The following GRIA3 variants were observed in gnomAD, a reference collection of about 807,000 sequenced individuals.
The protein encoded by GRIA3 is glutamate receptor 3.
Under a neutral mutation model 63.0 loss-of-function variants are expected in GRIA3, and 3 were observed. The observed-to-expected ratio is 0.05, with a 90% CI of 0.02 to 0.12. GRIA3 has a LOEUF of 0.12. Among genes scored for constraint, GRIA3 ranks in the 10% least tolerant of loss-of-function variants. The pLI is 1.00. For synonymous variants in GRIA3, 274 were observed against 257.9 expected (o/e 1.06, Z -0.60); for missense variants, 347 against 700.9 (o/e 0.50, Z 5.70).
chrX:123,456,307 A>G (rs1167583189), intron 12 of GRIA3, among the ~76,000 whole-genome samples: 1 of 111,213 alleles, frequency 9.0e-6, no homozygotes, highest in African/African-American at 3.3e-5. Flanking sequence ...CCTGGCACCC[A>G]GAAAGCTTTA....
intron 2 of GRIA3, among the ~76,000 whole-genome samples, chrX:123,250,276 T>G (rs911259241): frequency 9.0e-6 from 1 of 111,226 alleles, no homozygotes; most frequent in Non-Finnish European, 1.9e-5. Context: ...AATAAATGAA[T>G]GCAATAAATA....
chrX:123,403,734 T>G (rs777244637), intron 9 of GRIA3, among the ~76,000 whole-genome samples: 1 of 111,541 alleles, frequency 9.0e-6, no homozygotes, highest in East Asian at 2.8e-4. Context: ...TTAGAACAGT[T>G]TTAGATTATC....
intron 3 of GRIA3, among the ~76,000 whole-genome samples, chrX:123,286,208 C>A (rs1206266982): frequency 6.3e-5 from 7 of 111,868 alleles, no homozygotes; most frequent in African/African-American, 2.3e-4. Context: ...TAAATAAGTT[C>A]TTTGAAACCA....
intron 2 of GRIA3, among the ~76,000 whole-genome samples, chrX:123,232,575 C>T (rs1257495867): frequency 2.7e-5 from 3 of 110,893 alleles, no homozygotes; most frequent in South Asian, 3.8e-4. Flanking sequence ...GAACTGTATA[C>T]GTAAAATTGT....
intron 5 of GRIA3, among the ~76,000 whole-genome samples, chrX:123,357,762 G>A (rs897308586): frequency 9.0e-6 from 1 of 111,230 alleles, no homozygotes; most frequent in African/African-American, 3.3e-5. Flanking sequence ...ACAAGAACAA[G>A]CAAAGTCTGT....
At chrX:123,466,629 C>T (rs1383035920) in intron 13 of GRIA3, among the ~76,000 whole-genome samples, 1 of 111,892 alleles carries the variant, frequency 8.9e-6, no homozygotes, top group African/African-American at 3.2e-5. Flanking sequence ...GAAATAGGGG[C>T]AAGCTCAGAA....
intron 3 of GRIA3, among the ~76,000 whole-genome samples, chrX:123,285,082 GT>G (rs1179389362): frequency 9.0e-6 from 1 of 111,649 alleles, no homozygotes. Flanking sequence ...CCAGAAGAGA[GT>G]GGGGGCCAAT....
chrX:123,398,213 C>G (rs2045424224), intron 6 of GRIA3, among the ~76,000 whole-genome samples: 1 of 111,779 alleles, frequency 8.9e-6, no homozygotes, highest in Non-Finnish European at 1.9e-5. Flanking sequence ...TAGCTATTTC[C>G]ATTTTCCCCT....
At chrX:123,486,663 T>C (rs1192838864) in intron 15 of GRIA3, among the ~76,000 whole-genome samples, 2 of 111,638 alleles carry the variant, frequency 1.8e-5, no homozygotes, top group African/African-American at 6.5e-5. Context: ...GTTGGTTAAG[T>C]GAAGAGTGAG....
chrX:123,316,230 A>C (rs1603088666), intron 3 of GRIA3, among the ~76,000 whole-genome samples: 1 of 111,696 alleles, frequency 9.0e-6, no homozygotes, highest in Admixed American at 9.5e-5. Flanking sequence ...AACATCACTA[A>C]AAAGTTGGAC....
intron 5 of GRIA3, among the ~76,000 whole-genome samples, chrX:123,385,856 C>T (rs2045351505): frequency 8.9e-6 from 1 of 112,021 alleles, no homozygotes; most frequent in Non-Finnish European, 1.9e-5. Flanking sequence ...AGGTTGATTC[C>T]ATATCTTTGT....
chrX:123,272,956 C>A (rs1208022366), intron 3 of GRIA3, among the ~76,000 whole-genome samples: 1 of 111,786 alleles, frequency 8.9e-6, no homozygotes, highest in Non-Finnish European at 1.9e-5. Context: ...TCCCCCTAAA[C>A]TTGGAGCTCT....
Position 123,396,827 on chromosome X carries a change from T to C in GRIA3, c.912+1698T>C, listed in dbSNP as rs1287950660. Among the ~76,000 whole-genome samples the C allele has an allele frequency of 5.3e-4, 59 of 112,377 alleles. No homozygotes were observed. In the Admixed American group the frequency reaches 5.4e-3, roughly 10 times the overall value. On this transcript the variant is annotated intron_variant, in intron 6 of 15. Coordinates refer to ENST00000620443, the MANE Select transcript of GRIA3 (RefSeq NM_007325.5). ...ATTGCATTACATTTAGGTGAGCTTATTCAAATTTAGATTTTTCATAAAACT... is the reference window on the plus strand; with the variant it reads ...ATTGCATTACATTTAGGTGAGCTTACTCAAATTTAGATTTTTCATAAAACT...
chrX:123,299,396 G>A (rs1344051458), intron 3 of GRIA3, among the ~76,000 whole-genome samples: 1 of 110,820 alleles, frequency 9.0e-6, no homozygotes, highest in African/African-American at 3.3e-5. Flanking sequence ...TGTCATCTCT[G>A]ATTTCTTTGA....
chrX:123,398,842 A>C (rs759827764), intron 7 of GRIA3, 39 bp downstream of exon 7: 5 of 1,077,595 alleles, frequency 4.6e-6, no homozygotes, highest in Non-Finnish European at 6.5e-6. Context: ...GAAGAAACTT[A>C]TAAAGACATA....
chrX:123,463,703 AG>A (rs2045815921), intron 12 of GRIA3, among the ~76,000 whole-genome samples: 1 of 6,575 alleles, frequency 1.5e-4, no homozygotes, highest in Non-Finnish European at 2.7e-4. Flanking sequence ...AGAAAGAAAA[AG>A]AAAGAAAGAA....
intron 5 of GRIA3, among the ~76,000 whole-genome samples, chrX:123,356,951 T>C (rs1002432624): frequency 9.0e-6 from 1 of 111,307 alleles, no homozygotes. Flanking sequence ...CTGTGAAAGA[T>C]AAAAGGGAAA....
chrX:123,483,551 C>T (rs1474338697), intron 15 of GRIA3, among the ~76,000 whole-genome samples: 1 of 112,292 alleles, frequency 8.9e-6, no homozygotes. Flanking sequence ...ATACTAGTTA[C>T]ATATCAAATG....
chrX:123,259,056 A>G, intron 3 of GRIA3, among the ~76,000 whole-genome samples: 1 of 112,243 alleles, frequency 8.9e-6, no homozygotes, highest in Non-Finnish European at 1.9e-5. Flanking sequence ...GAAAAAAATA[A>G]TTTTTAATAC....
Sources: allele counts gnomAD v4.1 joint callset (sites outside exome capture counted in the v4.1 genomes callset), GRCh38; gene constraint gnomAD v4.1.1; transcripts MANE v1.5; gene names NCBI Gene and HGNC (gene_info 2026-07-23, HGNC 2026-07-21).